ZKSCAN3: variants seen among roughly 807,000 people sequenced by gnomAD.
The protein encoded by ZKSCAN3 is zinc finger with KRAB and SCAN domains 3, also known as zinc finger protein with KRAB and SCAN domains 3.
In ZKSCAN3, 21 loss-of-function variants were observed where a neutral mutation model predicts 30.7. The ratio of observed to expected loss-of-function variants is 0.68; its 90% CI spans 0.49 to 0.99. ZKSCAN3 has a LOEUF of 0.99. Ranked by LOEUF, ZKSCAN3 falls within the 50% of genes least tolerant of loss-of-function variation. The pLI is 0.00. For synonymous variants in ZKSCAN3, 201 were observed against 246.7 expected, an observed-to-expected ratio of 0.81 and a Z score of 1.73; for missense variants, 507 against 647.1, an observed-to-expected ratio of 0.78 and a Z score of 2.35.
At chr6:28,358,449 T>A (rs1765565348) in intron 1 of ZKSCAN3, among the ~76,000 whole-genome samples, 1 of 152,232 alleles carries the variant, frequency 6.6e-6, no homozygotes, top group Non-Finnish European at 1.5e-5. Context: ...TTTGTATTTT[T>A]TAATTGTTGT....
chr6:28,361,415 T>C lies in ZKSCAN3; in HGVS notation c.494T>C (p.Leu165Pro), dbSNP rs767613445. ...APGSQSSQFQLMKALLKHESV... is the reference protein window; with the variant it reads ...APGSQSSQFQPMKALLKHESV... The stretch of plus-strand genomic sequence containing the variant: ...GGGTCACAAAGTAGCCAATTTCAGC[T>C]AATGAAGGCTCTGCTCAAGCATGAA... The change falls in exon 3 of 6, where the codon CTA (leucine) becomes CCA (proline). Residue 165 changes from leucine (L) to proline (P), a missense_variant. Physicochemically the swap from Leu to Pro is moderately conservative, Grantham distance 98. Transcript: ENST00000252211. 1.9e-6 allele frequency: 3 copies of C among 1,614,062 alleles called. No homozygotes were observed. Among genetic ancestry groups the C allele is most frequent in the Non-Finnish European group, 2.5e-6 (3 of 1,179,984 alleles).
At chr6:28,357,314 T>A (rs1364442096) in intron 1 of ZKSCAN3, among the ~76,000 whole-genome samples, 1 of 152,234 alleles carries the variant, frequency 6.6e-6, no homozygotes, top group Admixed American at 6.5e-5. Context: ...ACAATGGCCC[T>A]ATCTGCTATC....
Position 28,366,394 on chromosome 6 carries a change from C to A in ZKSCAN3, c.*109C>A. The stretch of plus-strand genomic sequence containing the variant: ...GGGCTGGGCTTTATTTACCACTACA[C>A]ATTATCAGGTGTTAGAAAATGTAGA... On this transcript the variant is annotated 3_prime_UTR_variant, in exon 6 of 6. Coordinates refer to ENST00000252211, the MANE Select transcript of ZKSCAN3 (RefSeq NM_024493.4). 8.2e-7 allele frequency: 1 copy of A among 1,212,654 alleles called. No homozygotes were observed. Among genetic ancestry groups the A allele is most frequent in the Non-Finnish European group, 1.1e-6 (1 of 902,056 alleles). The allele number at this position is 1,212,654 out of a possible 1,614,324, so 75.1% of individuals were successfully genotyped here.
rs575160898 is a variant in ZKSCAN3, at chr6:28,359,683, G to C, written c.97G>C (p.Gly33Arg). 6.2e-7 allele frequency: 1 copy of C among 1,614,100 alleles called. No individual in the cohort carries two copies. The highest frequency in any genetic ancestry group is 2.2e-5 in the East Asian group (1 of 44,894). Residue 33 changes from glycine (G) to arginine (R), a missense_variant, in exon 2 of 6, where the codon GGT (glycine) becomes CGT (arginine). Transcript: ENST00000252211. ...LVIKVEEEEA[G>R]FPSSPDLGSE... is the part of the protein sequence containing the mutation. ...CATAAAGGTGGAGGAAGAAGAAGCC[G>C]GTTTTCCCAGTAGCCCAGATCTGGG...
In ZKSCAN3 at chr6:28,359,711, C is replaced by G; in HGVS notation, c.125C>G (p.Ser42Cys). The change falls in exon 2 of 6, where the codon TCT (serine) becomes TGT (cysteine). Residue 42 changes from serine to cysteine, a missense_variant. By Grantham distance (112) the Ser-to-Cys change is moderately radical (BLOSUM62 -1). Transcript: ENST00000252211. ...TTTCCCAGTAGCCCAGATCTGGGTT[C>G]TGAGGGCTCCCGCGAGCGCTTCCGA... Reference protein sequence around the residue: ...AGFPSSPDLGSEGSRERFRGF... With the variant: ...AGFPSSPDLGCEGSRERFRGF... The G allele has an allele frequency of 6.2e-7, 1 of 1,614,218 alleles. No homozygotes were observed. The highest frequency in any genetic ancestry group is 8.5e-7 in the Non-Finnish European group (1 of 1,180,030).
Position 28,366,409 on chromosome 6 carries a change from GAAAA to G in ZKSCAN3, c.*125_*128del. The G allele has an allele frequency of 1.8e-6, 2 of 1,104,914 alleles. No individual in the cohort carries two copies. The highest frequency in any genetic ancestry group is 2.5e-6 in the Non-Finnish European group (2 of 810,706). The allele number at this position is 1,104,914 out of a possible 1,614,324, so 68.4% of individuals were successfully genotyped here. ...TACCACTACACATTATCAGGTGTTA[GAAAA>G]TGTAGACTGGGTTAGACAAATTATC... On this transcript the variant is annotated 3_prime_UTR_variant, in exon 6 of 6. Transcript: ENST00000252211.
rs1187336007 is a variant in ZKSCAN3, at chr6:28,367,978, C to T, written c.*1693C>T. The T allele has an allele frequency of 6.6e-6, 1 of 151,562 alleles. No homozygotes were observed. The highest frequency in any genetic ancestry group is 1.5e-5 in the Non-Finnish European group (1 of 67,944). The allele number at this position is 151,562 out of a possible 1,614,324, so 9.4% of individuals were successfully genotyped here. A position where few individuals can be genotyped will look rare whatever the true frequency, so the allele number is the denominator to read the frequency against. On this transcript the variant is annotated 3_prime_UTR_variant, in exon 6 of 6. Transcript: ENST00000252211. The stretch of plus-strand genomic sequence containing the variant: ...TGTATACATGTGCCATGTTGGTGTG[C>T]TGCACCCATTAACTCGTCATTTACA...
Position 28,368,752 on chromosome 6 carries a change from A to C in ZKSCAN3, c.*2467A>C, listed in dbSNP as rs1266280661. ...AACCCTCAATGGGAGAAGCCTTATG[A>C]GTGTGACAACTGTGGAAAGACAGTT... On this transcript the variant is annotated 3_prime_UTR_variant, in exon 6 of 6. Transcript: ENST00000252211. The C allele has an allele frequency of 1.3e-5, 2 of 155,332 alleles. No individual in the cohort carries two copies. Among genetic ancestry groups the C allele is most frequent in the Non-Finnish European group, 2.9e-5 (2 of 68,224 alleles). The allele number at this position is 155,332 out of a possible 1,614,324, so 9.6% of individuals were successfully genotyped here.
chr6:28,365,376 G>A (rs921048224), intron 5 of ZKSCAN3, 50 bp from the exon 6 acceptor site: 3 of 1,564,696 alleles, frequency 1.9e-6, no homozygotes, highest in Non-Finnish European at 2.6e-6. Flanking sequence ...TCATCACAGA[G>A]CTTTCCTTCC....
Position 28,361,343 on chromosome 6 carries a change from G to T in ZKSCAN3, c.422G>T (p.Gly141Val). Residue 141 changes from glycine to valine, a missense_variant, in exon 3 of 6, where the codon GGG becomes GTG. Coordinates refer to ENST00000252211, the MANE Select transcript of ZKSCAN3 (RefSeq NM_024493.4). ...PAPQVSGVDQ[G>V]QELLCCKMAL... ...TTCTAGGTTTCAGGTGTTGACCAGGGGCAAGAACTGCTCTGTTGCAAGATG... is the reference window on the plus strand; with the variant it reads ...TTCTAGGTTTCAGGTGTTGACCAGGTGCAAGAACTGCTCTGTTGCAAGATG... 6.2e-7 allele frequency: 1 copy of T among 1,612,888 alleles called. No homozygotes were observed. The highest frequency in any genetic ancestry group is 8.5e-7 in the Non-Finnish European group (1 of 1,179,690).
At chr6:28,362,538 G>A (rs1437211992) in intron 3 of ZKSCAN3, among the ~76,000 whole-genome samples, 1 of 152,024 alleles carries the variant, frequency 6.6e-6, no homozygotes, top group Non-Finnish European at 1.5e-5. Context: ...TTTAAACAGA[G>A]GTTCTAGCCT....
At chr6:28,350,853 A>G (rs1019464438) in intron 1 of ZKSCAN3, among the ~76,000 whole-genome samples, 15 of 152,200 alleles carry the variant, frequency 9.9e-5, no homozygotes, top group African/African-American at 3.6e-4. Context: ...GTGATACTCA[A>G]ACTCTCAAAG....
chr6:28,359,781 T>A lies in ZKSCAN3; in HGVS notation c.195T>A (p.Ser65Arg). The A allele has an allele frequency of 6.2e-7, 1 of 1,614,092 alleles. No individual in the cohort carries two copies. The highest frequency in any genetic ancestry group is 8.5e-7 in the Non-Finnish European group (1 of 1,179,996). The stretch of plus-strand genomic sequence containing the variant: ...CTGCAGGCCCCCGCGAGGCGCTGAG[T>A]CGGCTCCGAGAGCTCTGCCGACAGT... ...PEAAGPREAL[S>R]RLRELCRQWL... The change falls in exon 2 of 6, where the codon AGT becomes AGA. Residue 65 changes from serine to arginine, a missense_variant. Transcript: ENST00000252211.
In ZKSCAN3 at chr6:28,366,215, G is replaced by C. The variant is rs764074093; in HGVS notation, c.1547G>C (p.Gly516Ala). ...TATCAGTGTAATGCGTGTGGAAAAG[G>C]CTTCACCCGAATTTCATACCTTGTT... ...KPYQCNACGKGFTRISYLVQH... is the reference protein window; with the variant it reads ...KPYQCNACGKAFTRISYLVQH... Residue 516 changes from glycine to alanine, a missense_variant, in exon 6 of 6, where the codon GGC becomes GCC. Transcript: ENST00000252211. The C allele has an allele frequency of 2.5e-6, 4 of 1,574,000 alleles. No homozygotes were observed. The highest frequency in any genetic ancestry group is 4.5e-5 in the East Asian group (2 of 44,732).
intron 3 of ZKSCAN3, 81 bp downstream of exon 3, chr6:28,361,552 TA>T (rs1765771848): frequency 2.0e-6 from 3 of 1,497,542 alleles, no homozygotes; most frequent in Non-Finnish European, 2.7e-6. Context: ...AATTCATTGA[TA>T]GGGGGCTTAT....
chr6:28,363,938 A>G, intron 5 of ZKSCAN3, 123 bp downstream of exon 5: 1 of 1,318,778 alleles, frequency 7.6e-7, no homozygotes, highest in Non-Finnish European at 1.0e-6. Flanking sequence ...CCATTTCTGA[A>G]AGCCTGTAAC....
chr6:28,354,254 G>A (rs1056890186), intron 1 of ZKSCAN3: 7 of 281,008 alleles, frequency 2.5e-5, no homozygotes, highest in Non-Finnish European at 5.0e-5. Context: ...GACAATAGTG[G>A]CTGTAAGCCA....
chr6:28,366,725 C>T lies in ZKSCAN3; in HGVS notation c.*440C>T, dbSNP rs1765983650. ...CCCCTCTGTGCCTTTTCTGCAGGTG[C>T]TAATAAATGTTTATTGAATGTACCA... is the stretch of plus-strand genomic sequence containing the variant. On this transcript the variant is annotated 3_prime_UTR_variant, in exon 6 of 6. Coordinates refer to ENST00000252211, the MANE Select transcript of ZKSCAN3 (RefSeq NM_024493.4). The T allele has an allele frequency of 6.5e-6, 1 of 154,534 alleles. No individual in the cohort carries two copies. Among genetic ancestry groups the T allele is most frequent in the African/African-American group, 2.4e-5 (1 of 41,502 alleles). The allele number at this position is 154,534 out of a possible 1,614,324, so 9.6% of individuals were successfully genotyped here.
Position 28,367,650 on chromosome 6 carries a change from T to C in ZKSCAN3, c.*1365T>C, listed in dbSNP as rs1227508442. The C allele has an allele frequency of 6.6e-6, 1 of 151,998 alleles. No individual in the cohort carries two copies. Among genetic ancestry groups the C allele is most frequent in the East Asian group, 1.9e-4 (1 of 5,174 alleles). The allele number at this position is 151,998 out of a possible 1,614,324, so 9.4% of individuals were successfully genotyped here. A position where few individuals can be genotyped will look rare whatever the true frequency, so the allele number is the denominator to read the frequency against. Reference sequence around the variant, plus strand: ...CCCCACCCTACCACCCAACACACACTGTATAGTAAACTGCATCAAAACTTA... The same window carrying C: ...CCCCACCCTACCACCCAACACACACCGTATAGTAAACTGCATCAAAACTTA... On this transcript the variant is annotated 3_prime_UTR_variant, in exon 6 of 6. Coordinates refer to ENST00000252211, the MANE Select transcript of ZKSCAN3 (RefSeq NM_024493.4).
Sources: allele counts gnomAD v4.1 joint callset (sites outside exome capture counted in the v4.1 genomes callset), GRCh38; gene constraint gnomAD v4.1.1; transcripts MANE v1.5; gene names NCBI Gene and HGNC (gene_info 2026-07-23, HGNC 2026-07-21).